Variants in CKAP5 observed in about 807,000 individuals in gnomAD.
CKAP5 encodes the protein cytoskeleton associated protein 5.
A neutral mutation model predicts 232.8 loss-of-function variants in CKAP5; 27 were observed. The ratio of observed to expected loss-of-function variants is 0.12; its 90% confidence interval spans 0.09 to 0.16. The LOEUF is 0.16. Among genes scored for constraint, CKAP5 ranks in the 10% least tolerant of loss-of-function variants. The pLI is 1.00. For synonymous variants in CKAP5, 785 were observed against 841.1 expected (o/e 0.93, Z 1.16); for missense variants, 1,838 against 2,424.7 (o/e 0.76, Z 5.08).
At chr11:46,843,951 T>C (rs946446117) in intron 1 of CKAP5, among the ~76,000 whole-genome samples, 1 of 152,044 alleles carries the variant, frequency 6.6e-6, no homozygotes, top group African/African-American at 2.4e-5. Context: ...CCAGGTGTGG[T>C]GGCTCACACC....
chr11:46,766,490 G>C (rs2065203339), intron 27 of CKAP5, among the ~76,000 whole-genome samples: 1 of 152,162 alleles, frequency 6.6e-6, no homozygotes, highest in Non-Finnish European at 1.5e-5. Flanking sequence ...ATGGTTAATT[G>C]TAATATTTAG....
intron 9 of CKAP5, among the ~76,000 whole-genome samples, chr11:46,800,197 A>G (rs1938995290): frequency 1.3e-5 from 2 of 152,156 alleles, no homozygotes; most frequent in South Asian, 2.1e-4. Flanking sequence ...TTTTATTTCA[A>G]TTTATGATGT....
At chr11:46,839,069 T>C in intron 1 of CKAP5, among the ~76,000 whole-genome samples, 1 of 152,188 alleles carries the variant, frequency 6.6e-6, no homozygotes, top group East Asian at 1.9e-4. Flanking sequence ...CTTTCATTTT[T>C]ATGAGAAAAT....
intron 42 of CKAP5, among the ~76,000 whole-genome samples, chr11:46,747,198 A>G (rs1370278345): frequency 6.6e-6 from 1 of 152,218 alleles, no homozygotes; most frequent in East Asian, 1.9e-4. Context: ...AAATGTTGAT[A>G]TGCATGACTA....
intron 23 of CKAP5, 25 bp downstream of exon 23, chr11:46,777,414 G>T: frequency 1.4e-6 from 2 of 1,414,760 alleles, no homozygotes; most frequent in Non-Finnish European, 2.0e-6. Context: ...CAGAATGGAG[G>T]CATGGTGAAA....
rs539530114 is a variant in CKAP5 at position 46,806,043 on chromosome 11, T to C, written c.978+1988A>G. Among the ~76,000 whole-genome samples, 9 of 152,352 alleles carry C rather than the reference T, an allele frequency of 5.9e-5. No individual in the cohort carries two copies. The South Asian group carries it at 1.9e-3, about 32-fold the overall frequency. ...TTTACAACTGAAGTTAACTTTTCATTGTTTTAAATATTTTAGCCACAAAAT... is the reference window on the plus strand; with the variant it reads ...TTTACAACTGAAGTTAACTTTTCATCGTTTTAAATATTTTAGCCACAAAAT... On this transcript the variant is annotated intron_variant, in intron 8 of 43. Coordinates refer to ENST00000529230, the MANE Select transcript of CKAP5 (RefSeq NM_001008938.4).
chr11:46,807,215 A>G (rs1939177234), intron 8 of CKAP5, among the ~76,000 whole-genome samples: 1 of 152,226 alleles, frequency 6.6e-6, no homozygotes, highest in Non-Finnish European at 1.5e-5. Context: ...GTTGTGACCA[A>G]AGGGTTGCAG....
intron 9 of CKAP5, 49 bp from the exon 10 acceptor site, chr11:46,798,221 T>C: frequency 8.2e-7 from 1 of 1,225,500 alleles, no homozygotes; most frequent in Non-Finnish European, 1.2e-6. Flanking sequence ...AGAGGAATGA[T>C]ATATTGATAT....
At chr11:46,839,545 A>G (rs1249243267) in intron 1 of CKAP5, among the ~76,000 whole-genome samples, 2 of 152,150 alleles carry the variant, frequency 1.3e-5, no homozygotes, top group African/African-American at 4.8e-5. Flanking sequence ...CATCTTCCAT[A>G]TGGTAAATGC....
rs2065174720 is a variant in CKAP5, at chr11:46,763,555, C to A, written c.3613G>T (p.Ala1205Ser). 6 of 1,606,164 alleles carry A rather than the reference C, an allele frequency of 3.7e-6. No homozygotes were observed. In the East Asian group the frequency reaches 1.3e-4, roughly 36 times the overall value. The change falls in exon 29 of 44, where the codon GCT (alanine) becomes TCT (serine). Residue 1205 changes from alanine to serine, a missense_variant. Physicochemically the swap from Ala to Ser is moderately conservative, Grantham distance 99. This residue lies in a region of CKAP5 where 767 missense variants were observed against 954.6 expected (regional missense o/e 0.80). Coordinates refer to ENST00000529230, the MANE Select transcript of CKAP5 (RefSeq NM_001008938.4). ...QLKTQMSSCV[A>S]KWLQDEMFHS... ...AACATCTCATCTTGTAACCATTTAG[C>A]CACACAGCTAGACATTTGAGTCTTT...
chr11:46,784,474 T>G lies in CKAP5; in HGVS notation c.2154+14A>C. 1.3e-6 allele frequency: 2 copies of G among 1,595,052 alleles called. No homozygotes were observed. The highest frequency in any genetic ancestry group is 1.7e-6 in the Non-Finnish European group (2 of 1,169,742). On this transcript the variant is annotated intron_variant, in intron 17 of 43. Transcript: ENST00000529230. ...TTGGGAAAACTAGAGGAATAAGACT[T>G]CTGTGTCACTAACCTGTTCAGCAGT...
intron 9 of CKAP5, among the ~76,000 whole-genome samples, chr11:46,799,620 A>G (rs1275785415): frequency 6.6e-6 from 1 of 152,246 alleles, no homozygotes; most frequent in Non-Finnish European, 1.5e-5. Flanking sequence ...ACATTCTTTA[A>G]CCAGGACAAC....
rs898656268 is a variant in CKAP5 at position 46,784,532 on chromosome 11, T to C, written c.2110A>G (p.Thr704Ala). Residue 704 changes from threonine to alanine, a missense_variant, in exon 17 of 44, where the codon ACA (threonine) becomes GCA (alanine). Thr to Ala is a moderately conservative substitution (Grantham distance 58). Coordinates refer to ENST00000529230, the MANE Select transcript of CKAP5 (RefSeq NM_001008938.4). ...KCGNNAKEAM[T>A]AIAEACMLPW... Reference sequence around the variant, plus strand: ...AACATACAGGCTTCGGCTATTGCTGTCATAGCTTCTTTTGCATTGTTCCCA... The same window carrying C: ...AACATACAGGCTTCGGCTATTGCTGCCATAGCTTCTTTTGCATTGTTCCCA... 3 of 1,614,018 alleles carry C rather than the reference T, an allele frequency of 1.9e-6. No individual in the cohort carries two copies. The highest frequency in any genetic ancestry group is 2.5e-6 in the Non-Finnish European group (3 of 1,180,010).
chr11:46,800,535 C>G (rs983764493), intron 9 of CKAP5, among the ~76,000 whole-genome samples: 1 of 152,020 alleles, frequency 6.6e-6, no homozygotes, highest in Non-Finnish European at 1.5e-5. Flanking sequence ...TAATGCAGAC[C>G]GGATTTAGAG....
At chr11:46,800,888 T>C (rs891787721) in intron 9 of CKAP5, among the ~76,000 whole-genome samples, 1 of 152,230 alleles carries the variant, frequency 6.6e-6, no homozygotes, top group Non-Finnish European at 1.5e-5. Flanking sequence ...CTTGTTATGA[T>C]GTGTATAATG....
At chr11:46,769,068 C>T (rs989708636) in intron 26 of CKAP5, among the ~76,000 whole-genome samples, 1 of 152,020 alleles carries the variant, frequency 6.6e-6, no homozygotes, top group Non-Finnish European at 1.5e-5. Context: ...TACAGGTATG[C>T]ACCACCACAC....
At chr11:46,767,462 T>G in intron 27 of CKAP5, 113 bp downstream of exon 27, 1 of 587,540 alleles carries the variant, frequency 1.7e-6, no homozygotes. Context: ...TTTGATAATA[T>G]CAACAGCAGT....
intron 4 of CKAP5, among the ~76,000 whole-genome samples, chr11:46,815,224 C>T (rs1268002883): frequency 1.3e-5 from 2 of 151,872 alleles, no homozygotes; most frequent in African/African-American, 2.4e-5. Context: ...CTAATTTTTT[C>T]GTATTTTTGG....
intron 1 of CKAP5, among the ~76,000 whole-genome samples, chr11:46,845,854 A>C (rs1940176293): frequency 6.6e-6 from 1 of 152,126 alleles, no homozygotes; most frequent in South Asian, 2.1e-4. Flanking sequence ...ATTACGCGAG[A>C]GGCACTCTAG....
Sources: allele counts gnomAD v4.1 joint callset (sites outside exome capture counted in the v4.1 genomes callset), GRCh38; gene constraint gnomAD v4.1.1; regional missense constraint gnomAD v4.1.1; transcripts MANE v1.5; gene names NCBI Gene and HGNC (gene_info 2026-07-23, HGNC 2026-07-21).